Variants in LDLRAD4 observed in about 807,000 individuals in gnomAD.
The protein encoded by LDLRAD4 is low density lipoprotein receptor class A domain containing 4.
Under a neutral mutation model 17.0 loss-of-function variants are expected in LDLRAD4, and 5 were observed. That is an observed-to-expected ratio of 0.29 (90% CI 0.15 to 0.62). The LOEUF (loss-of-function observed/expected upper bound fraction) is 0.62. LDLRAD4 is among the 20% of genes least tolerant of loss of function. The pLI, the probability that LDLRAD4 is intolerant of heterozygous loss-of-function variation, is 0.84. For missense variants in LDLRAD4, 340 were observed against 424.7 expected, an observed-to-expected ratio of 0.80 and a Z score of 1.75; for synonymous variants, 168 against 171.8, an observed-to-expected ratio of 0.98 and a Z score of 0.17.
chr18:13,282,423 A>G (rs2045336983), intron 1 of LDLRAD4, among the ~76,000 whole-genome samples: 1 of 152,230 alleles, frequency 6.6e-6, no homozygotes, highest in South Asian at 2.1e-4. Context: ...TAGTTACAAT[A>G]AGGGTACAGG....
At chr18:13,529,980 T>C (rs568624340) in intron 3 of LDLRAD4, among the ~76,000 whole-genome samples, 2 of 152,328 alleles carry the variant, frequency 1.3e-5, no homozygotes, top group South Asian at 2.1e-4. Context: ...TTTTGAAATA[T>C]CTCAGATAAT....
chr18:13,602,135 A>G (rs987277907), intron 3 of LDLRAD4, among the ~76,000 whole-genome samples: 2 of 152,224 alleles, frequency 1.3e-5, no homozygotes, highest in South Asian at 4.1e-4. Context: ...AGAAATGGGA[A>G]CAATAGAAAC....
chr18:13,346,258 C>T (rs1253659851), intron 1 of LDLRAD4, among the ~76,000 whole-genome samples: 1 of 152,130 alleles, frequency 6.6e-6, no homozygotes, highest in Non-Finnish European at 1.5e-5. Context: ...GAATGTGTCC[C>T]AGAGATTCTT....
chr18:13,651,797 T>C (rs2043257129), exon 6 of LDLRAD4: 1 of 152,222 alleles, frequency 6.6e-6, no homozygotes, highest in Non-Finnish European at 1.5e-5. Flanking sequence ...GTCTAATAAA[T>C]TCCAAAGTTT....
chr18:13,617,838 C>T (rs1012103189), intron 3 of LDLRAD4, among the ~76,000 whole-genome samples: 10 of 152,262 alleles, frequency 6.6e-5, no homozygotes, highest in African/African-American at 1.9e-4. Context: ...GGGCGAGTCT[C>T]CAGGGTGAAT....
chr18:13,395,974 A>G (rs73954283), intron 2 of LDLRAD4, among the ~76,000 whole-genome samples: 2,492 of 152,220 alleles, frequency 0.016, 70 homozygotes, highest in African/African-American at 0.057. Flanking sequence ...TCACAGGCCA[A>G]GGGTCTTCAA....
At chr18:13,296,691 A>G (rs557218156) in intron 1 of LDLRAD4, among the ~76,000 whole-genome samples, 1 of 151,736 alleles carries the variant, frequency 6.6e-6, no homozygotes, top group East Asian at 1.9e-4. Flanking sequence ...ACAGCCTTTT[A>G]TTATTTAATT....
At chr18:13,514,932 A>T (rs2093841029) in intron 3 of LDLRAD4, 1 of 151,722 alleles carries the variant, frequency 6.6e-6, no homozygotes, top group African/African-American at 2.4e-5. Flanking sequence ...GGACTGTAAC[A>T]TCTCTCCATG....
rs116490635 is a variant in LDLRAD4 at position 13,617,616 on chromosome 18, A to G, written c.182-3501A>G. Among the ~76,000 whole-genome samples, 687 of 152,342 alleles carry G rather than the reference A, an allele frequency of 4.5e-3. 11 individuals carry two copies. In the East Asian group the frequency reaches 0.047, roughly 10 times the overall value. Reference sequence around the variant, plus strand: ...GCTAGGGGAAATAGTTGCAACATGTAACAGACAAAGATGTGTAACCATAAT... The same window carrying G: ...GCTAGGGGAAATAGTTGCAACATGTGACAGACAAAGATGTGTAACCATAAT... On this transcript the variant is annotated intron_variant, in intron 3 of 5. Transcript: ENST00000359446.
intron 1 of LDLRAD4, among the ~76,000 whole-genome samples, chr18:13,376,031 G>A (rs536877945): frequency 3.4e-4 from 51 of 152,178 alleles, no homozygotes; most frequent in Non-Finnish European, 5.4e-4. Flanking sequence ...TTGGAGGAGT[G>A]AAATCAAGTC....
chr18:13,513,445 T>C (rs766865459), intron 3 of LDLRAD4, among the ~76,000 whole-genome samples: 4 of 152,208 alleles, frequency 2.6e-5, no homozygotes, highest in East Asian at 1.9e-4. Context: ...GCCATACTTA[T>C]ATAGTTAAGA....
intron 2 of LDLRAD4, among the ~76,000 whole-genome samples, chr18:13,428,610 T>C (rs2090112273): frequency 6.6e-6 from 1 of 151,994 alleles, no homozygotes; most frequent in Admixed American, 6.6e-5. Flanking sequence ...GGGGAGGAGC[T>C]AGGAGATCAC....
chr18:13,514,045 T>C (rs1179965811), intron 3 of LDLRAD4, among the ~76,000 whole-genome samples: 1 of 152,224 alleles, frequency 6.6e-6, no homozygotes, highest in Non-Finnish European at 1.5e-5. Context: ...TGCCAGGAAG[T>C]TGGAGAGATT....
intron 3 of LDLRAD4, among the ~76,000 whole-genome samples, chr18:13,551,743 A>C (rs927138459): frequency 3.3e-4 from 51 of 152,304 alleles, no homozygotes; most frequent in African/African-American, 1.1e-3. Context: ...CCTGCCATGA[A>C]TATGGGCCTA....
intron 3 of LDLRAD4, among the ~76,000 whole-genome samples, chr18:13,456,858 T>C (rs2092163202): frequency 6.6e-6 from 1 of 152,220 alleles, no homozygotes; most frequent in African/African-American, 2.4e-5. Context: ...TCTTGGGATA[T>C]GTGGTTTTTT....
chr18:13,595,812 G>T (rs1375577302), intron 3 of LDLRAD4, among the ~76,000 whole-genome samples: 1 of 152,168 alleles, frequency 6.6e-6, no homozygotes, highest in Non-Finnish European at 1.5e-5. Context: ...CCTGGCATAT[G>T]GTCTATCCTT....
At chr18:13,314,458 G>A (rs186287918) in intron 1 of LDLRAD4, among the ~76,000 whole-genome samples, 2 of 152,340 alleles carry the variant, frequency 1.3e-5, no homozygotes, top group Admixed American at 1.3e-4. Flanking sequence ...TGGAGATGTT[G>A]TGGAATACCC....
intron 2 of LDLRAD4, chr18:13,419,795 T>C (rs1164047482): frequency 2.0e-5 from 3 of 152,216 alleles, no homozygotes; most frequent in Non-Finnish European, 4.4e-5. Context: ...CCTAACATTA[T>C]GTGGTCTCTG....
chr18:13,425,957 C>T (rs371495680), intron 2 of LDLRAD4: 16 of 152,804 alleles, frequency 1.0e-4, no homozygotes, highest in East Asian at 3.9e-4. Context: ...TGAGATTCCC[C>T]GAGGGCAGGA....
Sources: allele counts gnomAD v4.1 joint callset (sites outside exome capture counted in the v4.1 genomes callset), GRCh38; gene constraint gnomAD v4.1.1; transcripts MANE v1.5; gene names NCBI Gene and HGNC (gene_info 2026-07-23, HGNC 2026-07-21).